ATXN7: variants seen among roughly 807,000 people sequenced by gnomAD.
ATXN7 encodes ataxin-7.
Under a neutral mutation model 70.5 loss-of-function variants are expected in ATXN7, and 12 were observed. That is an observed-to-expected ratio of 0.17 (90% CI 0.11 to 0.28). The LOEUF (loss-of-function observed/expected upper bound fraction) is 0.28. ATXN7 is among the 10% of genes least tolerant of loss of function. The pLI is 1.00. For missense variants in ATXN7, 1,256 were observed against 1,131.7 expected (o/e 1.11, Z -1.58); for synonymous variants, 498 against 448.7 (o/e 1.11, Z -1.39).
At position 63,920,896 on chromosome 3, in the gene ATXN7, T is replaced by C. The variant is rs919866060; in HGVS notation, c.394+7671T>C. Among the ~76,000 whole-genome samples the C allele has an allele frequency of 2.0e-5, 3 of 152,328 alleles. No homozygotes were observed. In the East Asian group the frequency reaches 5.8e-4, roughly 29 times the overall value. ...CTTTTAATCACATTGTTGTTGAAAG[T>C]TTTTATTGCAGTATTTCTAATAAAT... is the stretch of plus-strand genomic sequence containing the variant. On this transcript the variant is annotated intron_variant, in intron 4 of 12. Transcript: ENST00000674280.
chr3:63,947,954 T>G lies in ATXN7; in HGVS notation c.395-4425T>G, dbSNP rs141588908. On this transcript the variant is annotated intron_variant, in intron 4 of 12. Transcript: ENST00000674280. ...AGGATGAGAGGGAAGTGCAGGTATA[T>G]CTGGCAGGACCTTGGGAGCCAGGGT... 3.8e-4 allele frequency among the ~76,000 whole-genome samples: 58 copies of G among 152,234 alleles called. No individual in the cohort carries two copies. The East Asian group carries it at 0.01, about 27-fold the overall frequency.
rs540194287 is a variant in ATXN7 at position 63,987,878 on chromosome 3, C to T, written c.1096-181C>T. ...CATTTAGAGCCTAGAACGTATGCTT[C>T]TAGTCTAGCTAGGGAGAAAATAATG... On this transcript the variant is annotated intron_variant, in intron 8 of 12. Transcript: ENST00000674280. Among the ~76,000 whole-genome samples, 6 of 152,134 alleles carry T rather than the reference C, an allele frequency of 3.9e-5. No individual in the cohort carries two copies. The South Asian group carries it at 8.3e-4, about 21-fold the overall frequency.
At chr3:63,990,435 GGGGGGCGCGCCA>G in intron 10 of ATXN7, 61 bp downstream of exon 10, 1 of 1,585,200 alleles carries the variant, frequency 6.3e-7, no homozygotes, top group South Asian at 1.1e-5. Context: ...GGGCACTGCA[GGGGGGCGCGCCA>G]GGGATCTTGG....
intron 5 of ATXN7, among the ~76,000 whole-genome samples, chr3:63,966,777 T>C (rs2075231004): frequency 6.6e-6 from 1 of 152,234 alleles, no homozygotes. Context: ...TTTCCACATA[T>C]GTAATTCATG....
chr3:63,976,818 C>CA (rs1553693156), intron 5 of ATXN7, among the ~76,000 whole-genome samples: 1 of 152,158 alleles, frequency 6.6e-6, no homozygotes, highest in Non-Finnish European at 1.5e-5. Flanking sequence ...GCACAACACT[C>CA]AAAGACCTCA....
intron 2 of ATXN7, among the ~76,000 whole-genome samples, chr3:63,910,596 G>A (rs72880313): frequency 0.047 from 7,127 of 152,162 alleles, 424 homozygotes; most frequent in African/African-American, 0.14. Flanking sequence ...CTCTATTCCT[G>A]TCAAGGGAAT....
chr3:63,951,014 G>A (rs1191734915), intron 4 of ATXN7, among the ~76,000 whole-genome samples: 1 of 152,100 alleles, frequency 6.6e-6, no homozygotes, highest in African/African-American at 2.4e-5. Flanking sequence ...CTTAGACAAA[G>A]TACTTTACCT....
chr3:63,899,852 C>T (rs972915774), intron 2 of ATXN7, among the ~76,000 whole-genome samples: 1 of 152,072 alleles, frequency 6.6e-6, no homozygotes, highest in South Asian at 2.1e-4. Flanking sequence ...CTCCTGACTT[C>T]GCGATCTGCC....
chr3:63,944,152 A>G (rs905766703), intron 4 of ATXN7, among the ~76,000 whole-genome samples: 11 of 152,198 alleles, frequency 7.2e-5, no homozygotes, highest in Non-Finnish European at 1.5e-4. Context: ...TGGTGTATAT[A>G]GTTGTTCCCC....
At chr3:63,875,345 G>A (rs949930085) in intron 1 of ATXN7, among the ~76,000 whole-genome samples, 1 of 152,104 alleles carries the variant, frequency 6.6e-6, no homozygotes, top group African/African-American at 2.4e-5. Flanking sequence ...TCCTGCCTCA[G>A]CCTCCCAAAG....
chr3:63,995,427 C>T, intron 11 of ATXN7, 78 bp from the exon 12 acceptor site: 1 of 1,510,254 alleles, frequency 6.6e-7, no homozygotes, highest in African/African-American at 1.4e-5. Context: ...TTGTCACAAG[C>T]AAAGAGGGTG....
At chr3:63,886,279 G>A (rs1057056109) in intron 1 of ATXN7, among the ~76,000 whole-genome samples, 2 of 152,146 alleles carry the variant, frequency 1.3e-5, no homozygotes, top group African/African-American at 4.8e-5. Flanking sequence ...ATGGGGAGAT[G>A]TTGATCAAAG....
intron 2 of ATXN7, among the ~76,000 whole-genome samples, chr3:63,910,732 C>T (rs1033106504): frequency 2.0e-5 from 3 of 152,116 alleles, no homozygotes; most frequent in Non-Finnish European, 4.4e-5. Flanking sequence ...TTGATAAGGA[C>T]AGGAAGTAAC....
In ATXN7 at chr3:63,917,909, G is replaced by C. The variant is rs138679054; in HGVS notation, c.394+4684G>C. ...GTTTGTGTGTTTAGGGGGTGTTGCT[G>C]TATGGCCCCAGGGGAGGCCAGAAGG... On this transcript the variant is annotated intron_variant, in intron 4 of 12. Transcript: ENST00000674280. Among the ~76,000 whole-genome samples, 15 of 152,338 alleles carry C rather than the reference G, an allele frequency of 9.8e-5. No individual in the cohort carries two copies. The East Asian group carries it at 1.4e-3, about 14-fold the overall frequency.
At chr3:63,939,251 C>G (rs976964375) in intron 4 of ATXN7, among the ~76,000 whole-genome samples, 9 of 152,104 alleles carry the variant, frequency 5.9e-5, no homozygotes, top group Non-Finnish European at 8.8e-5. Context: ...GCATGGCATC[C>G]TTCTCTTCAC....
Position 63,995,876 on chromosome 3 carries a change from C to A in ATXN7, c.2054C>A (p.Ser685Tyr). 6.2e-7 allele frequency: 1 copy of A among 1,614,250 alleles called. No homozygotes were observed. The highest frequency in any genetic ancestry group is 8.5e-7 in the Non-Finnish European group (1 of 1,180,046). Reference sequence around the variant, plus strand: ...AGCAAATCTTTGAGGCCCAAGGAGTCTTCTGGTAACAGCACTAACTGTCAA... The same window carrying A: ...AGCAAATCTTTGAGGCCCAAGGAGTATTCTGGTAACAGCACTAACTGTCAA... ...KSSKSLRPKE[S>Y]SGNSTNCQNA... The change falls in exon 12 of 13, where the codon TCT becomes TAT. Residue 685 changes from serine (S) to tyrosine (Y), a missense_variant. Transcript: ENST00000674280.
intron 2 of ATXN7, chr3:63,901,115 T>TA (rs1463524892): frequency 1.3e-5 from 2 of 152,252 alleles, no homozygotes; most frequent in Non-Finnish European, 2.9e-5. Flanking sequence ...AATTGGCACT[T>TA]ACCTTTTTTT....
chr3:63,990,267 G>C lies in ATXN7; in HGVS notation c.1453G>C (p.Glu485Gln). The C allele has an allele frequency of 6.2e-7, 1 of 1,614,100 alleles. No individual in the cohort carries two copies. Among genetic ancestry groups the C allele is most frequent in the Non-Finnish European group, 8.5e-7 (1 of 1,180,016 alleles). The change falls in exon 10 of 13, where the codon GAG becomes CAG. Residue 485 changes from glutamate (E) to glutamine (Q), a missense_variant. Transcript: ENST00000674280. The part of the protein sequence containing the change: ...ESPHPPLPAT[E>Q]PASRLSSEEG... Reference sequence around the variant, plus strand: ...TCCACACCCTCCCCTGCCTGCCACTGAGCCAGCTTCTCGGTTATCCAGTGA... The same window carrying C: ...TCCACACCCTCCCCTGCCTGCCACTCAGCCAGCTTCTCGGTTATCCAGTGA...
chr3:63,935,837 C>T (rs1002576725), intron 4 of ATXN7, among the ~76,000 whole-genome samples: 7 of 151,978 alleles, frequency 4.6e-5, no homozygotes, highest in African/African-American at 9.7e-5. Context: ...GCATTTTGCT[C>T]ATTATAAAAG....
Sources: allele counts gnomAD v4.1 joint callset (sites outside exome capture counted in the v4.1 genomes callset), GRCh38; gene constraint gnomAD v4.1.1; transcripts MANE v1.5; gene names NCBI Gene and HGNC (gene_info 2026-07-23, HGNC 2026-07-21).